The following C10orf143 variants were observed in gnomAD, a reference collection of about 807,000 sequenced individuals.
C10orf143 encodes uncharacterized protein C10orf143.
Position 130,045,735 on chromosome 10 carries a change from CCGCCACGCGG to C in C10orf143, c.298-9775_298-9766del, listed in dbSNP as rs1186538151. On this transcript the variant is annotated intron_variant and NMD_transcript_variant, in intron 3 of 5. Coordinates refer to the C10orf143 transcript ENST00000643056. ...CGACTCAGAAAGTCACAGCCACGTC[CCGCCACGCGG>C]GCGGGAAAACGTGGAAGCAAATGCG... 2.0e-5 allele frequency among the ~76,000 whole-genome samples: 3 copies of C among 152,254 alleles called. No individual in the cohort carries two copies. The East Asian group carries it at 5.8e-4, about 29-fold the overall frequency.
At chr10:130,100,624 G>A (rs753573644) in intron 1 of C10orf143, among the ~76,000 whole-genome samples, 35 of 152,028 alleles carry the variant, frequency 2.3e-4, no homozygotes, top group African/African-American at 7.5e-4. Flanking sequence ...AACAAAACAC[G>A]GAAGATATTT....
intron 1 of C10orf143, among the ~76,000 whole-genome samples, chr10:130,102,418 G>A (rs1861572700): frequency 6.6e-6 from 1 of 151,916 alleles, no homozygotes; most frequent in Admixed American, 6.6e-5. Flanking sequence ...GATTATAGGC[G>A]CCTGCCACCA....
At chr10:130,054,774 A>G (rs1860777055) in intron 3 of C10orf143, among the ~76,000 whole-genome samples, 1 of 152,170 alleles carries the variant, frequency 6.6e-6, no homozygotes, top group African/African-American at 2.4e-5. Context: ...ATATCTTTTC[A>G]TCTATCTGTT....
rs979687826 is a variant in C10orf143, at chr10:130,056,653, G to A, written c.298-20683C>T. Among the ~76,000 whole-genome samples the A allele has an allele frequency of 7.9e-5, 12 of 151,366 alleles. No individual in the cohort carries two copies. Among genetic ancestry groups the A allele is most frequent in the Admixed American group, 3.3e-4 (5 of 15,194 alleles). ...GTCGCCCAGGCTGGAGTGCAGTGGC[G>A]CTCTCTTGGCTCACTGCAAGCTCCG... On this transcript the variant is annotated intron_variant and NMD_transcript_variant, in intron 3 of 5. Coordinates refer to the C10orf143 transcript ENST00000643056. The surrounding 1 kb of genome is among the most constrained non-coding windows in gnomAD (Gnocchi z 4.6).
chr10:130,083,480 G>A (rs1287073973), intron 1 of C10orf143, among the ~76,000 whole-genome samples: 2 of 152,154 alleles, frequency 1.3e-5, no homozygotes, highest in Non-Finnish European at 2.9e-5. Context: ...CAATATATTG[G>A]AAACAACCTA....
At chr10:130,104,659 T>G (rs1406758578) in intron 1 of C10orf143, 1 of 152,174 alleles carries the variant, frequency 6.6e-6, no homozygotes, top group Non-Finnish European at 1.5e-5. Flanking sequence ...TTTATCAAAT[T>G]AAGAGGCAAT....
intron 3 of C10orf143, among the ~76,000 whole-genome samples, chr10:130,048,815 G>T (rs1860705717): frequency 6.6e-6 from 1 of 151,868 alleles, no homozygotes; most frequent in Non-Finnish European, 1.5e-5. Flanking sequence ...CAATCCTCCC[G>T]CCTCAGTCCC....
At chr10:130,070,232 C>T (rs536850327) in intron 3 of C10orf143, among the ~76,000 whole-genome samples, 168 of 152,164 alleles carry the variant, frequency 1.1e-3, no homozygotes, top group Non-Finnish European at 1.3e-3. Flanking sequence ...TCCATTGTTA[C>T]TGATCTGATT....
chr10:130,061,214 G>T (rs1251999452), downstream of C10orf143, among the ~76,000 whole-genome samples: 1 of 152,156 alleles, frequency 6.6e-6, no homozygotes, highest in African/African-American at 2.4e-5. Flanking sequence ...TTGAAAGGAC[G>T]CACATCAAAA....
intron 3 of C10orf143, among the ~76,000 whole-genome samples, chr10:130,045,909 G>T (rs890174220): frequency 6.6e-6 from 1 of 152,158 alleles, no homozygotes; most frequent in Non-Finnish European, 1.5e-5. Context: ...CCACGTGCGG[G>T]GGAGAAAGGA....
chr10:130,077,020 G>T (rs1159522118), intron 3 of C10orf143, among the ~76,000 whole-genome samples: 2 of 152,158 alleles, frequency 1.3e-5, no homozygotes, highest in African/African-American at 2.4e-5. Flanking sequence ...CATGAGCAGG[G>T]TGATTCAGGG....
intron 1 of C10orf143, among the ~76,000 whole-genome samples, chr10:130,083,683 G>A (rs993788180): frequency 2.0e-5 from 3 of 152,152 alleles, no homozygotes; most frequent in Admixed American, 2.0e-4. Context: ...AAGAAAGAAG[G>A]GGTTATAAGA....
At chr10:130,075,167 C>T (rs1861095308) in intron 3 of C10orf143, among the ~76,000 whole-genome samples, 1 of 152,172 alleles carries the variant, frequency 6.6e-6, no homozygotes, top group Admixed American at 6.5e-5. Context: ...GACTCCATGG[C>T]ACCAGGAAAC....
chr10:130,064,067 A>AT lies in C10orf143; in HGVS notation c.*286dup. On this transcript the variant is annotated 3_prime_UTR_variant, in exon 4 of 4. Transcript: ENST00000637128. ...TACAAAATTTTTTGACTTGTAAATA[A>AT]TGCAATTGATCTCCCTCTCAACCAG... 3.3e-6 allele frequency: 1 copy of AT among 305,624 alleles called. No individual in the cohort carries two copies. 18.9% of individuals were successfully genotyped at this position (305,624 alleles called of 1,614,324 possible). A position where few individuals can be genotyped will look rare whatever the true frequency, so the allele number is the denominator to read the frequency against.
At chr10:130,049,786 T>G (rs1030358225) in intron 3 of C10orf143, among the ~76,000 whole-genome samples, 2 of 152,056 alleles carry the variant, frequency 1.3e-5, no homozygotes, top group African/African-American at 4.8e-5. Flanking sequence ...TGAGTCTGGG[T>G]TTTTAGAATT....
At chr10:130,050,325 T>TCACCCAGC (rs1860722515) in intron 3 of C10orf143, among the ~76,000 whole-genome samples, 1 of 152,386 alleles carries the variant, frequency 6.6e-6, no homozygotes, top group East Asian at 1.9e-4. Flanking sequence ...ATCCCAGCAC[T>TCACCCAGC]TTGGGAAGCC....
intron 3 of C10orf143, among the ~76,000 whole-genome samples, chr10:130,070,806 C>T (rs922689698): frequency 2.6e-5 from 4 of 152,100 alleles, no homozygotes; most frequent in Non-Finnish European, 5.9e-5. Flanking sequence ...TTTCACTGCT[C>T]TCTGTAACAC....
intron 1 of C10orf143, among the ~76,000 whole-genome samples, chr10:130,085,280 T>C (rs1000240306): frequency 6.6e-6 from 1 of 152,170 alleles, no homozygotes; most frequent in African/African-American, 2.4e-5. Flanking sequence ...AAATAGTAAC[T>C]TTACCGTGGA....
intron 1 of C10orf143, chr10:130,108,287 A>T (rs1250983659): frequency 1.3e-6 from 2 of 1,571,718 alleles, no homozygotes; most frequent in East Asian, 4.5e-5. Context: ...TCCGTTTGCA[A>T]TGAGAAATGT....
Sources: gnomAD v4.1 joint callset for allele counts (sites outside exome capture counted in the v4.1 genomes callset) on GRCh38, gnomAD v4.1.1 for gene constraint, Gnocchi (gnomAD v3.1) non-coding constraint, MANE v1.5 for transcripts, NCBI Gene and HGNC (gene_info 2026-07-23, HGNC 2026-07-21) for gene names.